Variants in ARHGEF17 observed in about 807,000 individuals in gnomAD.
ARHGEF17 encodes the protein Rho guanine nucleotide exchange factor 17, also known as 164 kDa Rho-specific guanine-nucleotide exchange factor.
A neutral mutation model predicts 174.0 loss-of-function variants in ARHGEF17; 80 were observed. The observed-to-expected ratio is 0.46, with a 90% CI of 0.38 to 0.55. ARHGEF17 has a LOEUF of 0.55. ARHGEF17 is among the 20% of genes least tolerant of loss of function. ARHGEF17 has a pLI of 0.00. For missense variants in ARHGEF17, 2,886 were observed against 2,839.7 expected, an observed-to-expected ratio of 1.02 and a Z score of -0.37; for synonymous variants, 1,311 against 1,189.1, an observed-to-expected ratio of 1.10 and a Z score of -2.11.
intron 2 of ARHGEF17, 62 bp downstream of exon 2, chr11:73,347,022 G>A (rs1344575446): frequency 1.3e-6 from 2 of 1,488,082 alleles, no homozygotes; most frequent in South Asian, 1.2e-5. Flanking sequence ...CTGTCAGATG[G>A]GTGTGAGCAA....
At chr11:73,347,118 A>G (rs1322808027) in intron 2 of ARHGEF17, 158 bp downstream of exon 2, 3 of 771,914 alleles carry the variant, frequency 3.9e-6, no homozygotes, top group African/African-American at 3.4e-5. Context: ...CAGCATGGCC[A>G]TTCCAGAGAA....
rs975351246 is a variant in ARHGEF17 at position 73,369,080 on chromosome 11, C to T, written c.*1300C>T. The T allele has an allele frequency of 1.3e-5, 2 of 152,438 alleles. No homozygotes were observed. Among genetic ancestry groups the T allele is most frequent in the African/African-American group, 4.8e-5 (2 of 41,458 alleles). The allele number at this position is 152,438 out of a possible 1,614,324, so 9.4% of individuals were successfully genotyped here. A position where few individuals can be genotyped will look rare whatever the true frequency, so the allele number is the denominator to read the frequency against. ...TTAAAGAGTCAATAAATAGAAACACCAGATGACTGCATTGGTGGCCACAGT... is the reference window on the plus strand; with the variant it reads ...TTAAAGAGTCAATAAATAGAAACACTAGATGACTGCATTGGTGGCCACAGT... On this transcript the variant is annotated 3_prime_UTR_variant, in exon 21 of 21. Transcript: ENST00000263674.
At chr11:73,324,565 G>C (rs1025280413) in intron 1 of ARHGEF17, among the ~76,000 whole-genome samples, 3 of 152,216 alleles carry the variant, frequency 2.0e-5, no homozygotes, top group Non-Finnish European at 4.4e-5. Context: ...GCCCAGAGAA[G>C]GTGAGGGTGC....
chr11:73,365,710 G>T lies in ARHGEF17; in HGVS notation c.5758G>T (p.Ala1920Ser). ...SDAIIRQHKAACLRITALLVC... is the reference protein window; with the variant it reads ...SDAIIRQHKASCLRITALLVC... ...TGCCATCATCCGGCAGCACAAGGCT[G>T]CCTGTCTGCGAATCACAGCGCTGCT... The change falls in exon 20 of 21, where the codon GCC becomes TCC. Residue 1920 changes from alanine to serine, a missense_variant. This residue lies in a region of ARHGEF17 where 329 missense variants were observed against 435.2 expected (regional missense o/e 0.76). Transcript: ENST00000263674. This position sits in a 1 kb window ranked among gnomAD's most constrained non-coding sequence, Gnocchi z 4.9. 6.2e-7 allele frequency: 1 copy of T among 1,613,562 alleles called. No individual in the cohort carries two copies. The highest frequency in any genetic ancestry group is 1.1e-5 in the South Asian group (1 of 91,084).
chr11:73,318,580 T>C (rs117620442), intron 1 of ARHGEF17, among the ~76,000 whole-genome samples: 3,608 of 152,284 alleles, frequency 0.024, 88 homozygotes, highest in Non-Finnish European at 0.035. Context: ...CAGTGAGCTG[T>C]GATTGCCCAA....
chr11:73,309,059 C>A lies in ARHGEF17; in HGVS notation c.421C>A (p.Pro141Thr), dbSNP rs767878184. ...CTTCGGCGGTCCTGGCTCCAGGAGG[C>A]CCAGCGCCGACTCTGAATCCCCAGG... ...KLFGGPGSRR[P>T]SADSESPGTP... Residue 141 changes from proline (P) to threonine (T), a missense_variant, in exon 1 of 21, where the codon CCC becomes ACC. Transcript: ENST00000263674. 3 of 1,504,808 alleles carry A rather than the reference C, an allele frequency of 2.0e-6. No homozygotes were observed. The highest frequency in any genetic ancestry group is 2.1e-5 in the Admixed American group (1 of 46,710). 93.2% of individuals were successfully genotyped at this position (1,504,808 alleles called of 1,614,324 possible). A position where few individuals can be genotyped will look rare whatever the true frequency, so the allele number is the denominator to read the frequency against.
chr11:73,337,302 G>T (rs1865301237), intron 1 of ARHGEF17, among the ~76,000 whole-genome samples: 1 of 151,512 alleles, frequency 6.6e-6, no homozygotes, highest in African/African-American at 2.4e-5. Flanking sequence ...CACCACTCAG[G>T]ATGCTGAGAC....
At chr11:73,335,226 C>T (rs1007157567) in intron 1 of ARHGEF17, among the ~76,000 whole-genome samples, 2 of 152,164 alleles carry the variant, frequency 1.3e-5, no homozygotes, top group African/African-American at 4.8e-5. Context: ...GGGTCCTTCT[C>T]GACTGCCAAG....
chr11:73,344,798 G>T (rs1865433664), intron 1 of ARHGEF17, among the ~76,000 whole-genome samples: 1 of 152,264 alleles, frequency 6.6e-6, no homozygotes, highest in Non-Finnish European at 1.5e-5. Flanking sequence ...GGGCAGTGCT[G>T]GGGACCTGTG....
Position 73,329,355 on chromosome 11 carries a change from A to T in ARHGEF17, c.3192+17525A>T, listed in dbSNP as rs66513468. Among the ~76,000 whole-genome samples the T allele has an allele frequency of 7.9e-4, 9 of 11,448 alleles. 1 individual carries two copies. The highest frequency in any genetic ancestry group is 1.8e-3 in the African/African-American group (4 of 2,246). 7.5% of individuals were successfully genotyped at this position (11,448 alleles called of 152,430 possible). A position where few individuals can be genotyped will look rare whatever the true frequency, so the allele number is the denominator to read the frequency against. On this transcript the variant is annotated intron_variant, in intron 1 of 20. Coordinates refer to ENST00000263674, the MANE Select transcript of ARHGEF17 (RefSeq NM_014786.4). ...TATATATATATATATATATATATAT[A>T]TATATATATATATATATATTTTTTT...
At position 73,362,546 on chromosome 11, in the gene ARHGEF17, G is replaced by A. The variant is rs747058377; in HGVS notation, c.4808G>A (p.Gly1603Glu). 1.2e-6 allele frequency: 2 copies of A among 1,607,844 alleles called. No individual in the cohort carries two copies. Among genetic ancestry groups the A allele is most frequent in the East Asian group, 2.2e-5 (1 of 44,852 alleles). Residue 1603 changes from glycine to glutamate, a missense_variant, in exon 14 of 21, where the codon GGG becomes GAG. By Grantham distance (98) the Gly-to-Glu change is moderately conservative. This residue lies in a region of ARHGEF17 where 476 missense variants were observed against 473.1 expected (regional missense o/e 1.01). Coordinates refer to ENST00000263674, the MANE Select transcript of ARHGEF17 (RefSeq NM_014786.4). ...DEEAATLAEP[G>E]PQPCLHISIA... ...GAAGCCGCGACGCTCGCGGAGCCGG[G>A]GCCGCAGCCCTGCCTTCACATCTCC...
At chr11:73,364,076 G>C in intron 16 of ARHGEF17, 96 bp from the exon 17 acceptor site, 1 of 1,331,934 alleles carries the variant, frequency 7.5e-7, no homozygotes, top group Admixed American at 1.8e-5. Flanking sequence ...GTGGCCTCTC[G>C]GGAGCCATAC....
chr11:73,312,886 A>G (rs561569456), intron 1 of ARHGEF17, among the ~76,000 whole-genome samples: 95 of 152,148 alleles, frequency 6.2e-4, no homozygotes, highest in African/African-American at 2.3e-3. Context: ...GGCTTCAGCT[A>G]TCCCTGGAGT....
chr11:73,319,491 T>C (rs1383464035), intron 1 of ARHGEF17, among the ~76,000 whole-genome samples: 5 of 152,220 alleles, frequency 3.3e-5, no homozygotes, highest in Non-Finnish European at 7.3e-5. Flanking sequence ...TAAGGTGACA[T>C]ATTCACAGGT....
chr11:73,368,691 G>A lies in ARHGEF17; in HGVS notation c.*911G>A, dbSNP rs1865882779. The A allele has an allele frequency of 6.6e-6, 1 of 152,528 alleles. No homozygotes were observed. Among genetic ancestry groups the A allele is most frequent in the African/African-American group, 2.4e-5 (1 of 41,402 alleles). 9.4% of individuals were successfully genotyped at this position (152,528 alleles called of 1,614,324 possible). A position where few individuals can be genotyped will look rare whatever the true frequency, so the allele number is the denominator to read the frequency against. Reference sequence around the variant, plus strand: ...TGTGTCTCATGCACTGGCACATATGGTCACCTTGGAGGGCAGACCTAGGAG... The same window carrying A: ...TGTGTCTCATGCACTGGCACATATGATCACCTTGGAGGGCAGACCTAGGAG... On this transcript the variant is annotated 3_prime_UTR_variant, in exon 21 of 21. Coordinates refer to ENST00000263674, the MANE Select transcript of ARHGEF17 (RefSeq NM_014786.4).
Position 73,310,031 on chromosome 11 carries a change from C to T in ARHGEF17, c.1393C>T (p.Pro465Ser). Residue 465 changes from proline (P) to serine (S), a missense_variant, in exon 1 of 21, where the codon CCA (proline) becomes TCA (serine). Coordinates refer to ENST00000263674, the MANE Select transcript of ARHGEF17 (RefSeq NM_014786.4). ...KSRQRKSLSN[P>S]DIASETLTLL... ...TCGACAGCGGAAGTCCCTGTCAAAT[C>T]CAGATATCGCCTCAGAGACCCTGAC... The T allele has an allele frequency of 6.2e-7, 1 of 1,614,050 alleles. No homozygotes were observed. The highest frequency in any genetic ancestry group is 2.2e-5 in the East Asian group (1 of 44,900).
intron 1 of ARHGEF17, among the ~76,000 whole-genome samples, chr11:73,341,321 G>A (rs142541306): frequency 6.6e-6 from 1 of 152,018 alleles, no homozygotes; most frequent in African/African-American, 2.4e-5. Flanking sequence ...ATGGAGTTTC[G>A]CTGTTGTTGC....
chr11:73,340,726 A>G (rs1416085949), intron 1 of ARHGEF17, among the ~76,000 whole-genome samples: 2 of 152,186 alleles, frequency 1.3e-5, no homozygotes, highest in African/African-American at 4.8e-5. Flanking sequence ...TGACCAAGCA[A>G]TGAGCCAGGG....
At chr11:73,351,259 A>G (rs1278096920) in intron 2 of ARHGEF17, among the ~76,000 whole-genome samples, 1 of 152,206 alleles carries the variant, frequency 6.6e-6, no homozygotes, top group African/African-American at 2.4e-5. Context: ...AACAAGCCAG[A>G]TTTTTAAAAA....
Sources: gnomAD v4.1 joint callset for allele counts (sites outside exome capture counted in the v4.1 genomes callset) on GRCh38, gnomAD v4.1.1 for gene constraint, gnomAD v4.1.1 regional missense constraint, Gnocchi (gnomAD v3.1) non-coding constraint, MANE v1.5 for transcripts, NCBI Gene and HGNC (gene_info 2026-07-23, HGNC 2026-07-21) for gene names.